TENM1: variants seen among roughly 807,000 people sequenced by gnomAD.
TENM1 encodes the protein teneurin-1.
TENM1 carries 35 observed loss-of-function variants against 174.8 expected under a neutral mutation model. That is an observed-to-expected ratio of 0.20 (90% CI 0.15 to 0.27). The LOEUF (loss-of-function observed/expected upper bound fraction) is 0.27. Ranked by LOEUF, TENM1 falls within the 10% of genes least tolerant of loss-of-function variation. TENM1 has a pLI of 1.00. For missense variants in TENM1, 1,633 were observed against 2,130.1 expected, an observed-to-expected ratio of 0.77 and a Z score of 4.59; for synonymous variants, 781 against 798.7, an observed-to-expected ratio of 0.98 and a Z score of 0.37.
At chrX:124,676,864 CAA>C (rs57417124) in intron 5 of TENM1, among the ~76,000 whole-genome samples, 825 of 57,036 alleles carry the variant, frequency 0.014, 9 homozygotes, top group African/African-American at 0.039. Context: ...CTCATTGACT[CAA>C]AAAAAAAAAA....
intron 17 of TENM1, among the ~76,000 whole-genome samples, chrX:124,521,971 A>T (rs1159946083): frequency 8.9e-6 from 1 of 111,904 alleles, no homozygotes; most frequent in Admixed American, 9.5e-5. Flanking sequence ...AGTACAATAG[A>T]GAAGGATAGC....
At chrX:124,792,816 A>C (rs1423014124) in intron 3 of TENM1, among the ~76,000 whole-genome samples, 1 of 112,680 alleles carries the variant, frequency 8.9e-6, no homozygotes, top group Non-Finnish European at 1.9e-5. Context: ...AGACAATATC[A>C]TTATTTTTAA....
chrX:124,775,133 C>G (rs150231726), intron 3 of TENM1, among the ~76,000 whole-genome samples: 214 of 109,719 alleles, frequency 2.0e-3, no homozygotes, highest in African/African-American at 6.7e-3. Context: ...GCACCATAAA[C>G]CCCGTCTCTA....
chrX:124,498,908 G>A (rs758789271), intron 19 of TENM1, among the ~76,000 whole-genome samples: 33 of 111,206 alleles, frequency 3.0e-4, no homozygotes, highest in Non-Finnish European at 5.8e-4. Context: ...CTCGGTAAAT[G>A]TTGAAAATAG....
In TENM1 at chrX:124,464,068, C is replaced by T. The variant is rs532621830; in HGVS notation, c.3950-10577G>A. Among the ~76,000 whole-genome samples, 66 of 110,618 alleles carry T rather than the reference C, an allele frequency of 6.0e-4. No homozygotes were observed. In the South Asian group the frequency reaches 0.023, roughly 39 times the overall value. On this transcript the variant is annotated intron_variant, in intron 22 of 31. Coordinates refer to ENST00000422452, the Ensembl canonical transcript of TENM1. ...TCTGAGCTGCATATTTTATATCTCCCCCTTTAGAAATTCCTCAAACATCAA... is the reference window on the plus strand; with the variant it reads ...TCTGAGCTGCATATTTTATATCTCCTCCTTTAGAAATTCCTCAAACATCAA...
At chrX:124,841,853 C>T (rs1005450766) in intron 3 of TENM1, among the ~76,000 whole-genome samples, 6 of 111,953 alleles carry the variant, frequency 5.4e-5, no homozygotes, top group African/African-American at 9.7e-5. Context: ...GATCTCTAAA[C>T]GAAGACTACA....
At chrX:124,889,205 G>A (rs993379165) in intron 3 of TENM1, among the ~76,000 whole-genome samples, 2 of 110,866 alleles carry the variant, frequency 1.8e-5, no homozygotes, top group African/African-American at 3.3e-5. Context: ...GAATTGCTTC[G>A]AGAATCAATT....
chrX:125,026,751 CTTAA>C, the TENM1 span, among the ~76,000 whole-genome samples: 2 of 111,748 alleles, frequency 1.8e-5, no homozygotes, highest in Non-Finnish European at 3.8e-5. Context: ...ATGTAATTAA[CTTAA>C]TTAACAAAAT....
At chrX:124,575,104 A>T (rs1054935393) in intron 11 of TENM1, among the ~76,000 whole-genome samples, 1 of 111,998 alleles carries the variant, frequency 8.9e-6, no homozygotes, top group African/African-American at 3.2e-5. Context: ...CTCTAAAAGT[A>T]ATTAGAAGAA....
chrX:124,785,053 C>T (rs1464387358), intron 3 of TENM1, among the ~76,000 whole-genome samples: 2 of 111,817 alleles, frequency 1.8e-5, no homozygotes, highest in East Asian at 5.6e-4. Flanking sequence ...TTGGATACAG[C>T]AATGGTTTGA....
rs60027201 is a variant in TENM1 at position 124,642,057 on chromosome X, A to G, written c.1877-66T>C. ...TGAACAGGTATGGCCAACATACCTT[A>G]GTATGATGAAACGGAGATTACATTG... is the stretch of plus-strand genomic sequence containing the variant. On this transcript the variant is annotated intron_variant, in intron 10 of 31. Transcript: ENST00000422452. The G allele has an allele frequency of 0.011, 8,595 of 775,908 alleles. 461 individuals are homozygous for G. The African/African-American group carries it at 0.15, about 14-fold the overall frequency. The allele number at this position is 775,908 out of a possible 1,213,427, so 63.9% of individuals were successfully genotyped here. A position where few individuals can be genotyped will look rare whatever the true frequency, so the allele number is the denominator to read the frequency against.
chrX:124,607,871 G>A (rs1163978836), intron 11 of TENM1, among the ~76,000 whole-genome samples: 1 of 111,349 alleles, frequency 9.0e-6, no homozygotes, highest in Non-Finnish European at 1.9e-5. Context: ...TAGCTGGTGA[G>A]AAATGGTCAG....
At position 124,572,428 on chromosome X, in the gene TENM1, A is replaced by T. The variant is rs777684334; in HGVS notation, c.2078-6868T>A. Among the ~76,000 whole-genome samples the T allele has an allele frequency of 5.2e-4, 58 of 111,851 alleles. 1 individual carries two copies. Among genetic ancestry groups the T allele is most frequent in the Non-Finnish European group, 1.0e-3 (55 of 53,145 alleles). ...TCTCCTAGAAAAACATGGCTAAAAGATAGCTTACTGAGTATGGTAAAGGTG... is the reference window on the plus strand; with the variant it reads ...TCTCCTAGAAAAACATGGCTAAAAGTTAGCTTACTGAGTATGGTAAAGGTG... On this transcript the variant is annotated intron_variant, in intron 11 of 31. Coordinates refer to ENST00000422452, the Ensembl canonical transcript of TENM1.
intron 11 of TENM1, among the ~76,000 whole-genome samples, chrX:124,622,290 G>T (rs1039743688): frequency 7.2e-5 from 8 of 111,538 alleles, no homozygotes; most frequent in Non-Finnish European, 1.3e-4. Flanking sequence ...TAATATTAGG[G>T]GTGGGAAAAG....
the TENM1 span, among the ~76,000 whole-genome samples, chrX:125,001,492 T>G: frequency 8.9e-6 from 1 of 111,985 alleles, no homozygotes; most frequent in Admixed American, 9.5e-5. Context: ...CTCCATTATT[T>G]GATTTAATAA....
chrX:125,158,107 T>C, the TENM1 span, among the ~76,000 whole-genome samples: 1 of 110,856 alleles, frequency 9.0e-6, no homozygotes, highest in Non-Finnish European at 1.9e-5. Context: ...CAAATATATA[T>C]ATATTTAAAT....
intron 11 of TENM1, among the ~76,000 whole-genome samples, chrX:124,634,402 C>A (rs1170814769): frequency 9.0e-6 from 1 of 111,356 alleles, no homozygotes; most frequent in African/African-American, 3.3e-5. Context: ...AATGTACCTG[C>A]AATCGTAGGT....
At chrX:124,476,449 G>C (rs1340422735) in intron 22 of TENM1, among the ~76,000 whole-genome samples, 1 of 111,898 alleles carries the variant, frequency 8.9e-6, no homozygotes, top group Non-Finnish European at 1.9e-5. Context: ...CAAGATTTAA[G>C]GATCATTTCC....
rs1164577203 is a variant in TENM1, at chrX:124,452,816, T to C, written c.4104+521A>G. Among the ~76,000 whole-genome samples, 3 of 87,545 alleles carry C rather than the reference T, an allele frequency of 3.4e-5. No individual in the cohort carries two copies. The East Asian group carries it at 1.1e-3, about 33-fold the overall frequency. The allele number at this position is 87,545 out of a possible 115,157, so 76.0% of individuals were successfully genotyped here. A position where few individuals can be genotyped will look rare whatever the true frequency, so the allele number is the denominator to read the frequency against. On this transcript the variant is annotated intron_variant, in intron 23 of 31. Coordinates refer to ENST00000422452, the Ensembl canonical transcript of TENM1. ...TCACTCATAGGTGGGAACTGAACAA[T>C]GAGAACACTTGGACACAGGAAGGGG...
Sources: gnomAD v4.1 joint callset for allele counts (sites outside exome capture counted in the v4.1 genomes callset) on GRCh38, gnomAD v4.1.1 for gene constraint, MANE v1.5 for transcripts, NCBI Gene and HGNC (gene_info 2026-07-23, HGNC 2026-07-21) for gene names.